Variants in BPIFA3 observed in about 807,000 individuals in gnomAD.
The protein encoded by BPIFA3 is BPI fold containing family A member 3, also known as BPI fold-containing family A member 3.
Under a neutral mutation model 29.7 loss-of-function variants are expected in BPIFA3, and 32 were observed. The observed-to-expected ratio is 1.08, with a 90% CI of 0.81 to 1.45. The LOEUF is 1.45. BPIFA3 is among the 40% of genes most tolerant of loss of function. The probability of loss-of-function intolerance (pLI) is 0.00; values close to 1 mark genes in which losing one functional copy is unlikely to be tolerated. For missense variants in BPIFA3, 323 were observed against 311.3 expected (o/e 1.04, Z -0.28); for synonymous variants, 112 against 113.7 (o/e 0.98, Z 0.10).
Position 33,227,616 on chromosome 20 carries a change from G to A in BPIFA3, c.764G>A (p.Ter255=). The A allele has an allele frequency of 1.2e-6, 2 of 1,613,282 alleles. No homozygotes were observed. The highest frequency in any genetic ancestry group is 2.7e-5 in the African/African-American group (2 of 75,006). The change falls in exon 7 of 7, where the codon TGA becomes TAA. Residue 255 remains the stop codon, a stop_retained_variant. Transcript: ENST00000375454. The part of the protein sequence containing the change: ...SACQAGESPS[*] ...TGCCAGGCTGGAGAGTCCCCCAGCT[G>A]ACTTCTGCTGATCAGAAGGAAAGTC...
chr20:33,226,463 AG>A lies in BPIFA3; in HGVS notation c.595del (p.Val199PhefsTer6). The A allele has an allele frequency of 6.2e-7, 1 of 1,610,142 alleles. No homozygotes were observed. The highest frequency in any genetic ancestry group is 1.1e-5 in the South Asian group (1 of 89,920). On this transcript the variant is annotated frameshift_variant, in exon 5 of 7. Coordinates refer to ENST00000375454, the MANE Select transcript of BPIFA3 (RefSeq NM_178466.5). LOFTEE classifies it high-confidence loss of function. ...ACAACCTCAAAGAGAATCTGCAAAA[AG>A]TTCTCCCACACATGGTAGAAAGTCA... ...LYNLKENLQK[V>X]LPHMVESQVC...
chr20:33,224,613 G>T, intron 3 of BPIFA3, 151 bp downstream of exon 3: 1 of 673,774 alleles, frequency 1.5e-6, no homozygotes, highest in Non-Finnish European at 2.6e-6. Context: ...TCACCTCTCT[G>T]AGCCTTGGTT....
At chr20:33,221,149 AT>A (rs11468471) in intron 1 of BPIFA3, among the ~76,000 whole-genome samples, 5,787 of 138,350 alleles carry the variant, frequency 0.042, 232 homozygotes, top group African/African-American at 0.11. Flanking sequence ...GTACTGTTAG[AT>A]TTTTTTTTTT....
At chr20:33,222,500 G>C (rs1003871159) in intron 1 of BPIFA3, among the ~76,000 whole-genome samples, 1 of 152,094 alleles carries the variant, frequency 6.6e-6, no homozygotes, top group African/African-American at 2.4e-5. Flanking sequence ...TAAAATCAGG[G>C]TTCAGATGAG....
In BPIFA3 at chr20:33,217,371, G is replaced by A. The variant is rs767553505; in HGVS notation, c.-166G>A. On this transcript the variant is annotated 5_prime_UTR_variant, in exon 1 of 7. Transcript: ENST00000375454. ...TCTCCCAATGTGAGCAAGCCCTGGT[G>A]GCAGCGCCAGGGTCCAGTGCAGCCC... The A allele has an allele frequency of 1.2e-6, 1 of 800,476 alleles. No homozygotes were observed. Among genetic ancestry groups the A allele is most frequent in the Non-Finnish European group, 1.8e-6 (1 of 544,384 alleles). The allele number at this position is 800,476 out of a possible 1,614,324, so 49.6% of individuals were successfully genotyped here. A position where few individuals can be genotyped will look rare whatever the true frequency, so the allele number is the denominator to read the frequency against.
chr20:33,225,030 T>C, intron 3 of BPIFA3, 68 bp from the exon 4 acceptor site: 1 of 1,472,200 alleles, frequency 6.8e-7, no homozygotes, highest in Non-Finnish European at 9.5e-7. Flanking sequence ...TCTTTGCCAA[T>C]ACGGAGATTT....
chr20:33,226,844 A>C (rs1485020830), intron 5 of BPIFA3, 86 bp from the exon 6 acceptor site: 9 of 1,546,132 alleles, frequency 5.8e-6, no homozygotes, highest in Non-Finnish European at 7.1e-6. Flanking sequence ...AAAAAATCCC[A>C]TGGAGTTGAA....
chr20:33,221,476 A>C (rs1378973844), intron 1 of BPIFA3, among the ~76,000 whole-genome samples: 1 of 152,224 alleles, frequency 6.6e-6, no homozygotes, highest in Non-Finnish European at 1.5e-5. Context: ...TTAGCTAATA[A>C]TTTGTTTAGG....
At chr20:33,220,013 TCA>T (rs978534571) in intron 1 of BPIFA3, among the ~76,000 whole-genome samples, 5 of 151,182 alleles carry the variant, frequency 3.3e-5, no homozygotes, top group African/African-American at 4.9e-5. Flanking sequence ...GGTGGGAGGA[TCA>T]CTTGTGCCCA....
intron 3 of BPIFA3, 53 bp downstream of exon 3, chr20:33,224,515 C>A (rs192172563): frequency 4.0e-4 from 571 of 1,427,802 alleles, no homozygotes; most frequent in Middle Eastern, 5.3e-4. Flanking sequence ...TCGCAGGGAA[C>A]CTGGGAAATT....
chr20:33,226,498 T>G lies in BPIFA3; in HGVS notation c.621+8T>G. 6.3e-7 allele frequency: 1 copy of G among 1,589,380 alleles called. No homozygotes were observed. The highest frequency in any genetic ancestry group is 1.1e-5 in the South Asian group (1 of 89,234). ...CACATGGTAGAAAGTCAGGTAAGTTTAGAAAAAACTTTGCATCTTGAGCAT... is the reference window on the plus strand; with the variant it reads ...CACATGGTAGAAAGTCAGGTAAGTTGAGAAAAAACTTTGCATCTTGAGCAT... On this transcript the variant is annotated splice_region_variant and intron_variant, in intron 5 of 6. Coordinates refer to ENST00000375454, the MANE Select transcript of BPIFA3 (RefSeq NM_178466.5).
chr20:33,218,751 A>G (rs1210926012), intron 1 of BPIFA3, among the ~76,000 whole-genome samples: 4 of 151,650 alleles, frequency 2.6e-5, no homozygotes, highest in Non-Finnish European at 1.5e-5. Flanking sequence ...AGACAGTCGC[A>G]CTGGGGGAGG....
intron 1 of BPIFA3, 23 bp downstream of exon 1, chr20:33,217,686 C>A (rs1479409772): frequency 6.2e-7 from 1 of 1,607,116 alleles, no homozygotes; most frequent in African/African-American, 1.3e-5. Flanking sequence ...CCGGGCTCTG[C>A]CTGCTGCCTA....
In BPIFA3 at chr20:33,223,849, C is replaced by T. The variant is rs150331436; in HGVS notation, c.166C>T (p.Arg56Ter). 6.2e-6 allele frequency: 10 copies of T among 1,614,130 alleles called. No individual in the cohort carries two copies. The East Asian group carries it at 1.1e-4, about 18-fold the overall frequency. Residue 56 changes from arginine to a stop codon, truncating the protein, a stop_gained, in exon 2 of 7, where the codon CGA becomes TGA. Transcript: ENST00000375454. LOFTEE classifies it high-confidence loss of function. ...CCTCATAAAGCACAACGCAGAAAGC[C>T]GAATTCAGAACATCCACTTTGGGGA... ...QGLIKHNAES[R>*]IQNIHFGDRL...
intron 1 of BPIFA3, among the ~76,000 whole-genome samples, chr20:33,221,364 C>T (rs1467657021): frequency 5.3e-5 from 8 of 152,108 alleles, no homozygotes; most frequent in Admixed American, 3.9e-4. Flanking sequence ...ACCATGTTGG[C>T]CAGGCGGGTC....
At chr20:33,220,344 G>A (rs1985454843) in intron 1 of BPIFA3, among the ~76,000 whole-genome samples, 2 of 151,944 alleles carry the variant, frequency 1.3e-5, no homozygotes, top group South Asian at 4.2e-4. Context: ...CTTGCAGTGA[G>A]TGGAGATCAT....
In BPIFA3 at chr20:33,217,624, G is replaced by A. The variant is rs768811409; in HGVS notation, c.88G>A (p.Ala30Thr). ...APHKQPWPGL[A>T]QAHRDNKSTL... is the part of the protein sequence containing the mutation. Reference sequence around the variant, plus strand: ...ACACAAGCAGCCTTGGCCTGGCCTGGCCCAAGCCCACAGAGACAACAAATC... The same window carrying A: ...ACACAAGCAGCCTTGGCCTGGCCTGACCCAAGCCCACAGAGACAACAAATC... The change falls in exon 1 of 7, where the codon GCC becomes ACC. Residue 30 changes from alanine (A) to threonine (T), a missense_variant. Ala to Thr is a moderately conservative substitution (Grantham distance 58). Coordinates refer to ENST00000375454, the MANE Select transcript of BPIFA3 (RefSeq NM_178466.5). 1.2e-6 allele frequency: 2 copies of A among 1,614,000 alleles called. No homozygotes were observed. Among genetic ancestry groups the A allele is most frequent in the East Asian group, 4.5e-5 (2 of 44,866 alleles).
chr20:33,222,931 A>G (rs1364568188), intron 1 of BPIFA3, among the ~76,000 whole-genome samples: 1 of 152,218 alleles, frequency 6.6e-6, no homozygotes, highest in South Asian at 2.1e-4. Flanking sequence ...TAGATGCTCA[A>G]TAAATATTTG....
chr20:33,219,601 T>C (rs960189299), intron 1 of BPIFA3, among the ~76,000 whole-genome samples: 2 of 152,234 alleles, frequency 1.3e-5, no homozygotes, highest in African/African-American at 2.4e-5. Context: ...TCAGCTTCGC[T>C]TCTCTCCATA....
Sources: gnomAD v4.1 joint callset for allele counts (sites outside exome capture counted in the v4.1 genomes callset) on GRCh38, gnomAD v4.1.1 for gene constraint, MANE v1.5 for transcripts, NCBI Gene and HGNC (gene_info 2026-07-23, HGNC 2026-07-21) for gene names.